EML6: variants seen among roughly 807,000 people sequenced by gnomAD.
EML6 encodes EMAP like 6.
EML6 carries 154 observed loss-of-function variants against 240.1 expected under a neutral mutation model. The ratio of observed to expected loss-of-function variants is 0.64; its 90% CI spans 0.56 to 0.73. The LOEUF is 0.73. EML6 is among the 30% of genes least tolerant of loss of function. The pLI is 0.00. For synonymous variants in EML6, 1,148 were observed against 899.0 expected (o/e 1.28, Z -4.95); for missense variants, 2,964 against 2,474.6 (o/e 1.20, Z -4.20).
chr2:54,928,182 C>T (rs1674658104), intron 26 of EML6, 131 bp from the exon 27 acceptor site: 1 of 750,502 alleles, frequency 1.3e-6, no homozygotes, highest in Non-Finnish European at 2.3e-6. Context: ...ATGGAGCTTA[C>T]ATTCTAGTTG....
In EML6 at chr2:54,827,578, T is replaced by G; in HGVS notation, c.538T>G (p.Cys180Gly). The G allele has an allele frequency of 1.9e-6, 3 of 1,551,486 alleles. No individual in the cohort carries two copies. Among genetic ancestry groups the G allele is most frequent in the Non-Finnish European group, 2.6e-6 (3 of 1,146,904 alleles). Residue 180 changes from cysteine to glycine, a missense_variant, in exon 6 of 42, where the codon TGT becomes GGT. Physicochemically the swap from Cys to Gly is radical, Grantham distance 159. Transcript: ENST00000356458. ...GVKHIKFWTL[C>G]GNALTAKRGI... Reference sequence around the variant, plus strand: ...ACTTACATTGTAGTTTTGGACACTGTGTGGAAATGCCCTGACTGCAAAAAG... The same window carrying G: ...ACTTACATTGTAGTTTTGGACACTGGGTGGAAATGCCCTGACTGCAAAAAG...
At chr2:54,919,838 A>G (rs895453854) in intron 26 of EML6, among the ~76,000 whole-genome samples, 1 of 152,220 alleles carries the variant, frequency 6.6e-6, no homozygotes, top group Non-Finnish European at 1.5e-5. Context: ...CCAGGGAGGT[A>G]TATCTCAGGT....
At chr2:54,794,179 C>A (rs181518773) in intron 2 of EML6, among the ~76,000 whole-genome samples, 1 of 152,044 alleles carries the variant, frequency 6.6e-6, no homozygotes, top group Non-Finnish European at 1.5e-5. Flanking sequence ...GGCAGCTGGC[C>A]CTGCTGCTTG....
At chr2:54,928,817 G>T (rs891216200) in intron 28 of EML6, 66 bp downstream of exon 28, 1 of 1,542,152 alleles carries the variant, frequency 6.5e-7, no homozygotes, top group Non-Finnish European at 8.8e-7. Context: ...TTAAGCCAGA[G>T]TGCGTTTTCT....
rs943444814 is a variant in EML6, at chr2:54,968,162, C to T, written c.5632C>T (p.Arg1878Ter). 7 of 1,551,418 alleles carry T rather than the reference C, an allele frequency of 4.5e-6. No individual in the cohort carries two copies. Among genetic ancestry groups the T allele is most frequent in the Admixed American group, 3.9e-5 (2 of 50,982 alleles). ...LGDEVIGIWP[R>*]NADKADVNCA... Reference sequence around the variant, plus strand: ...AGATGAAGTCATTGGAATCTGGCCACGAAATGCAGACAAGGCTGATGTCAA... The same window carrying T: ...AGATGAAGTCATTGGAATCTGGCCATGAAATGCAGACAAGGCTGATGTCAA... The change falls in exon 40 of 42, where the codon CGA becomes TGA. Residue 1878 changes from arginine (R) to a stop codon, truncating the protein, a stop_gained. Transcript: ENST00000356458. LOFTEE classifies it high-confidence loss of function.
chr2:54,940,711 A>G (rs1161005599), intron 28 of EML6, among the ~76,000 whole-genome samples: 3 of 152,216 alleles, frequency 2.0e-5, no homozygotes, highest in African/African-American at 4.8e-5. Context: ...ATTAGCAACT[A>G]TGGATGGTCT....
Position 54,813,816 on chromosome 2 carries a change from G to A in EML6, c.357+425G>A, listed in dbSNP as rs576754287. ...TCACCTCCTAATAATCCACTGAGAA[G>A]ATTATCCTTGACTCTTTACCCCTTG... On this transcript the variant is annotated intron_variant, in intron 3 of 41. Coordinates refer to ENST00000356458, the MANE Select transcript of EML6 (RefSeq NM_001039753.4). Among the ~76,000 whole-genome samples, 7 of 152,288 alleles carry A rather than the reference G, an allele frequency of 4.6e-5. 1 individual carries two copies. In the South Asian group the frequency reaches 1.5e-3, roughly 32 times the overall value.
intron 25 of EML6, among the ~76,000 whole-genome samples, chr2:54,913,080 T>TTG (rs1558679652): frequency 6.6e-6 from 1 of 151,500 alleles, no homozygotes; most frequent in Non-Finnish European, 1.5e-5. Flanking sequence ...TGTTTTTTTT[T>TTG]TTTTTTTTTT....
intron 2 of EML6, among the ~76,000 whole-genome samples, chr2:54,753,755 T>C (rs1684278221): frequency 6.7e-6 from 1 of 149,294 alleles, no homozygotes; most frequent in Non-Finnish European, 1.5e-5. Context: ...AGCCTCGAAC[T>C]CCAGGCCTCA....
intron 6 of EML6, among the ~76,000 whole-genome samples, chr2:54,828,107 C>T (rs577040933): frequency 2.5e-4 from 38 of 152,280 alleles, no homozygotes; most frequent in African/African-American, 8.9e-4. Flanking sequence ...CTCCATAGGT[C>T]TGCGATGAAG....
intron 17 of EML6, among the ~76,000 whole-genome samples, chr2:54,890,607 C>G (rs1286136382): frequency 6.6e-6 from 1 of 152,272 alleles, no homozygotes; most frequent in African/African-American, 2.4e-5. Context: ...ACCCATTTAA[C>G]CCAGAGCAAT....
chr2:54,957,767 A>T (rs1558725653), intron 32 of EML6, 23 bp from the exon 33 acceptor site: 2 of 1,548,560 alleles, frequency 1.3e-6, no homozygotes, highest in Non-Finnish European at 1.7e-6. Flanking sequence ...GAGGAGCCTC[A>T]CTGGACTCTG....
intron 2 of EML6, among the ~76,000 whole-genome samples, chr2:54,787,397 T>C (rs1266434627): frequency 6.6e-6 from 1 of 152,130 alleles, no homozygotes; most frequent in African/African-American, 2.4e-5. Context: ...TATGAAAAGA[T>C]TGAATTGTAG....
intron 2 of EML6, among the ~76,000 whole-genome samples, chr2:54,811,654 A>T (rs137927675): frequency 6.6e-6 from 1 of 152,352 alleles, no homozygotes; most frequent in Non-Finnish European, 1.5e-5. Flanking sequence ...TGAATAAGTG[A>T]ATGAGCTAAA....
At chr2:54,842,248 C>T (rs1413978523) in intron 7 of EML6, among the ~76,000 whole-genome samples, 1 of 152,198 alleles carries the variant, frequency 6.6e-6, no homozygotes, top group Non-Finnish European at 1.5e-5. Context: ...GCCTATTTAT[C>T]TCTCTGCCCC....
chr2:54,773,407 A>T (rs1427997937), intron 2 of EML6, among the ~76,000 whole-genome samples: 1 of 152,224 alleles, frequency 6.6e-6, no homozygotes, highest in Non-Finnish European at 1.5e-5. Flanking sequence ...CCAGACTGTC[A>T]AATTGCTTAT....
At chr2:54,856,690 T>C (rs1573011739) in intron 11 of EML6, among the ~76,000 whole-genome samples, 1 of 152,106 alleles carries the variant, frequency 6.6e-6, no homozygotes, top group Non-Finnish European at 1.5e-5. Flanking sequence ...TACCGTGACA[T>C]TGGAGAGGGT....
chr2:54,892,335 G>A (rs935926866), intron 18 of EML6, 119 bp from the exon 19 acceptor site: 3 of 649,146 alleles, frequency 4.6e-6, no homozygotes, highest in Middle Eastern at 2.7e-4. Flanking sequence ...GTCACTTTTA[G>A]ACATCTTTAC....
At chr2:54,846,382 T>C (rs962566993) in intron 8 of EML6, among the ~76,000 whole-genome samples, 4 of 151,802 alleles carry the variant, frequency 2.6e-5, no homozygotes, top group African/African-American at 9.7e-5. Context: ...TGTATACTGA[T>C]ATGTAGATAT....
Sources: gnomAD v4.1 joint callset for allele counts (sites outside exome capture counted in the v4.1 genomes callset) on GRCh38, gnomAD v4.1.1 for gene constraint, MANE v1.5 for transcripts, NCBI Gene and HGNC (gene_info 2026-07-23, HGNC 2026-07-21) for gene names.